The following ARHGAP15 variants were observed in gnomAD, a reference collection of about 807,000 sequenced individuals.
ARHGAP15 encodes the protein rho GTPase-activating protein 15.
Under a neutral mutation model 63.7 loss-of-function variants are expected in ARHGAP15, and 51 were observed. The ratio of observed to expected loss-of-function variants is 0.80; its 90% CI spans 0.64 to 1.01. ARHGAP15 has a LOEUF of 1.01. Among genes scored for constraint, ARHGAP15 ranks in the 50% least tolerant of loss-of-function variants. The pLI is 0.00. For synonymous variants in ARHGAP15, 191 were observed against 193.8 expected (o/e 0.99, Z 0.12); for missense variants, 560 against 564.6 (o/e 0.99, Z 0.08).
chr2:143,737,830 C>A (rs1222572102), intron 13 of ARHGAP15, among the ~76,000 whole-genome samples: 1 of 152,052 alleles, frequency 6.6e-6, no homozygotes, highest in East Asian at 1.9e-4. Context: ...GATCTCGGCT[C>A]ACTGCAAGCT....
chr2:143,433,211 A>C (rs1273001719), intron 6 of ARHGAP15, among the ~76,000 whole-genome samples: 2 of 152,098 alleles, frequency 1.3e-5, no homozygotes, highest in Non-Finnish European at 2.9e-5. Context: ...AACCTGAATT[A>C]AATGGGCTTT....
At chr2:143,293,635 G>C (rs1682505524) in intron 6 of ARHGAP15, among the ~76,000 whole-genome samples, 1 of 152,018 alleles carries the variant, frequency 6.6e-6, no homozygotes, top group Non-Finnish European at 1.5e-5. Context: ...CTTTGTTAAT[G>C]ATGCACAATT....
intron 6 of ARHGAP15, among the ~76,000 whole-genome samples, chr2:143,291,518 T>G (rs1682400190): frequency 6.6e-6 from 1 of 152,042 alleles, no homozygotes; most frequent in Non-Finnish European, 1.5e-5. Context: ...AATCAAATGT[T>G]ATAGTTTTTT....
At chr2:143,503,896 G>A (rs1169718325) in intron 9 of ARHGAP15, among the ~76,000 whole-genome samples, 2 of 152,178 alleles carry the variant, frequency 1.3e-5, no homozygotes, top group East Asian at 1.9e-4. Context: ...AAGGTCCCCA[G>A]GAAGTGAGTA....
chr2:143,704,477 G>A (rs1684236872), intron 13 of ARHGAP15, among the ~76,000 whole-genome samples: 1 of 152,136 alleles, frequency 6.6e-6, no homozygotes, highest in South Asian at 2.1e-4. Context: ...TGCAAATTTT[G>A]GGTTTCAACT....
At chr2:143,425,895 T>C (rs1689120467) in intron 6 of ARHGAP15, among the ~76,000 whole-genome samples, 2 of 152,182 alleles carry the variant, frequency 1.3e-5, no homozygotes. Context: ...TCTTGAATTA[T>C]GCAGTTTGGA....
At chr2:143,581,569 C>T (rs1445800131) in intron 11 of ARHGAP15, among the ~76,000 whole-genome samples, 1 of 152,302 alleles carries the variant, frequency 6.6e-6, no homozygotes, top group East Asian at 1.9e-4. Flanking sequence ...ACTGTATAAT[C>T]ATTTACCTTC....
chr2:143,509,517 A>G (rs557845331), intron 9 of ARHGAP15, among the ~76,000 whole-genome samples: 1 of 152,294 alleles, frequency 6.6e-6, no homozygotes, highest in East Asian at 1.9e-4. Flanking sequence ...CTTACAGTAT[A>G]TTCTGTCGTG....
intron 2 of ARHGAP15, among the ~76,000 whole-genome samples, chr2:143,197,967 T>TACACACACAC (rs5834941): frequency 1.5e-3 from 228 of 148,588 alleles, no homozygotes; most frequent in African/African-American, 5.3e-3. Flanking sequence ...AGTGACTGCC[T>TACACACACAC]ACACACACAC....
At chr2:143,356,331 G>A (rs1685809220) in intron 6 of ARHGAP15, among the ~76,000 whole-genome samples, 2 of 151,996 alleles carry the variant, frequency 1.3e-5, no homozygotes, top group South Asian at 4.1e-4. Context: ...TAGTTCTTGA[G>A]CAATGATCTT....
intron 6 of ARHGAP15, 36 bp from the exon 7 acceptor site, chr2:143,435,565 C>T: frequency 6.6e-7 from 1 of 1,513,932 alleles, no homozygotes; most frequent in Non-Finnish European, 8.7e-7. Flanking sequence ...AGTTTCTTTA[C>T]CTGTCTATTT....
intron 6 of ARHGAP15, among the ~76,000 whole-genome samples, chr2:143,390,161 T>G (rs1004000594): frequency 6.6e-6 from 1 of 152,158 alleles, no homozygotes; most frequent in African/African-American, 2.4e-5. Context: ...GCATATTATA[T>G]TAAAATTTAT....
chr2:143,557,380 G>C (rs1194998351), intron 11 of ARHGAP15, among the ~76,000 whole-genome samples: 1 of 152,072 alleles, frequency 6.6e-6, no homozygotes, highest in African/African-American at 2.4e-5. Flanking sequence ...AGTAAAACAA[G>C]CCAGTGTGAA....
At chr2:143,612,328 A>G (rs892221076) in intron 11 of ARHGAP15, among the ~76,000 whole-genome samples, 1 of 152,172 alleles carries the variant, frequency 6.6e-6, no homozygotes, top group Non-Finnish European at 1.5e-5. Flanking sequence ...ATCATAGACT[A>G]ATTAGTATTT....
At position 143,165,010 on chromosome 2, in the gene ARHGAP15, C is replaced by T. The variant is rs115288060; in HGVS notation, c.165+9355C>T. On this transcript the variant is annotated intron_variant, in intron 2 of 13. Coordinates refer to ENST00000295095, the MANE Select transcript of ARHGAP15 (RefSeq NM_018460.4). Reference sequence around the variant, plus strand: ...GATGTCAGAAACCCTGAAAATCAAACGGAAATAAATCATGCTTTTACTTCC... The same window carrying T: ...GATGTCAGAAACCCTGAAAATCAAATGGAAATAAATCATGCTTTTACTTCC... 4.9e-3 allele frequency among the ~76,000 whole-genome samples: 752 copies of T among 152,044 alleles called. 2 individuals are homozygous for T. The highest frequency in any genetic ancestry group is 0.013 in the African/African-American group (549 of 41,510).
At chr2:143,375,993 A>G (rs962513727) in intron 6 of ARHGAP15, among the ~76,000 whole-genome samples, 1 of 152,312 alleles carries the variant, frequency 6.6e-6, no homozygotes, top group Non-Finnish European at 1.5e-5. Flanking sequence ...AAAGAGAAAA[A>G]CAAACAAATA....
At chr2:143,685,709 C>A (rs376497848) in intron 12 of ARHGAP15, among the ~76,000 whole-genome samples, 1 of 152,164 alleles carries the variant, frequency 6.6e-6, no homozygotes, top group Non-Finnish European at 1.5e-5. Flanking sequence ...AGAAGTGATA[C>A]AATCAGCCCA....
intron 5 of ARHGAP15, chr2:143,237,654 G>A (rs1281564643): frequency 2.0e-5 from 3 of 152,114 alleles, no homozygotes; most frequent in Admixed American, 1.3e-4. Flanking sequence ...ACAATCAGAC[G>A]CTGTGGAACT....
chr2:143,462,802 G>A (rs1011967444), intron 8 of ARHGAP15, among the ~76,000 whole-genome samples: 1 of 152,174 alleles, frequency 6.6e-6, no homozygotes, highest in Non-Finnish European at 1.5e-5. Flanking sequence ...TGGATGGATG[G>A]ACAGACGGAC....
Sources: allele counts gnomAD v4.1 joint callset (sites outside exome capture counted in the v4.1 genomes callset), GRCh38; gene constraint gnomAD v4.1.1; transcripts MANE v1.5; gene names NCBI Gene and HGNC (gene_info 2026-07-23, HGNC 2026-07-21).